The following FRAS1 variants were observed in gnomAD, a reference collection of about 807,000 sequenced individuals.
The protein encoded by FRAS1 is extracellular matrix organizing protein FRAS1.
FRAS1 carries 290 observed loss-of-function variants against 435.2 expected under a neutral mutation model. The ratio of observed to expected loss-of-function variants is 0.67; its 90% CI spans 0.61 to 0.73. The LOEUF (loss-of-function observed/expected upper bound fraction) is 0.73, where lower values mean the gene tolerates loss of function less well. Ranked by LOEUF, FRAS1 falls within the 30% of genes least tolerant of loss-of-function variation. The probability of loss-of-function intolerance (pLI) is 0.00; values close to 1 mark genes in which losing one functional copy is unlikely to be tolerated. For synonymous variants in FRAS1, 1,800 were observed against 1,851.0 expected (o/e 0.97, Z 0.71); for missense variants, 4,860 against 5,001.5 (o/e 0.97, Z 0.85).
At chr4:78,307,610 C>T (rs1406126220) in intron 14 of FRAS1, among the ~76,000 whole-genome samples, 1 of 152,158 alleles carries the variant, frequency 6.6e-6, no homozygotes, top group Admixed American at 6.5e-5. Context: ...TGGGAGTGAC[C>T]CGATTTTCCA....
intron 14 of FRAS1, among the ~76,000 whole-genome samples, chr4:78,289,157 A>G (rs1195173398): frequency 6.6e-6 from 1 of 152,244 alleles, no homozygotes; most frequent in Non-Finnish European, 1.5e-5. Context: ...TGGCTCTTCA[A>G]CAAAAGAGTA....
chr4:78,309,787 T>A (rs545634149), intron 15 of FRAS1, among the ~76,000 whole-genome samples: 1 of 152,336 alleles, frequency 6.6e-6, no homozygotes, highest in East Asian at 1.9e-4. Context: ...GCAGGCATCC[T>A]GACAGTAAAT....
At chr4:78,285,094 G>T (rs1727519520) in intron 13 of FRAS1, among the ~76,000 whole-genome samples, 1 of 152,156 alleles carries the variant, frequency 6.6e-6, no homozygotes. Context: ...TGCATTTCTG[G>T]ATGCTACATC....
intron 2 of FRAS1, among the ~76,000 whole-genome samples, chr4:78,134,067 T>A (rs1719817550): frequency 6.6e-6 from 1 of 151,336 alleles, no homozygotes; most frequent in African/African-American, 2.4e-5. Flanking sequence ...CATGCCATTC[T>A]CCTGCCTCAG....
In FRAS1 at chr4:78,255,311, G is replaced by A. The variant is rs369223866; in HGVS notation, c.539G>A (p.Cys180Tyr). Reference protein sequence around the residue: ...EDWRLSRCAKCLCRNGVAQCF... With the variant: ...EDWRLSRCAKYLCRNGVAQCF... ...TGGCGGCTGAGCCGGTGTGCCAAAT[G>A]TCTGTGTAGAAATGGGGTTGCCCAG... Residue 180 changes from cysteine (C) to tyrosine (Y), a missense_variant, in exon 6 of 74, where the codon TGT becomes TAT. Coordinates refer to ENST00000512123, the MANE Select transcript of FRAS1 (RefSeq NM_025074.7). 3.9e-5 allele frequency: 62 copies of A among 1,570,246 alleles called. No individual in the cohort carries two copies. The highest frequency in any genetic ancestry group is 1.5e-4 in the Admixed American group (8 of 53,262).
chr4:78,463,961 T>G lies in FRAS1; in HGVS notation c.6764-60T>G. 2.5e-6 allele frequency: 4 copies of G among 1,574,042 alleles called. No homozygotes were observed. In the South Asian group the frequency reaches 4.5e-5, roughly 18 times the overall value. ...GTGAGAGTATGACACTTCCCTAGCC[T>G]TAGATATATGGCTAGCATTTTAATA... On this transcript the variant is annotated intron_variant, in intron 47 of 73. Transcript: ENST00000512123.
chr4:78,299,538 T>C (rs1431624112), intron 14 of FRAS1, among the ~76,000 whole-genome samples: 2 of 152,222 alleles, frequency 1.3e-5, no homozygotes, highest in Non-Finnish European at 2.9e-5. Context: ...TGCGCTGCTA[T>C]TCAGCCAGTC....
intron 26 of FRAS1, chr4:78,379,525 C>T (rs753172951): frequency 9.6e-5 from 54 of 563,842 alleles, no homozygotes; most frequent in Non-Finnish European, 1.5e-4. Context: ...AGCGAGCTGA[C>T]GGTTGTGGTC....
intron 26 of FRAS1, chr4:78,379,491 T>G: frequency 2.1e-6 from 1 of 486,164 alleles, no homozygotes; most frequent in East Asian, 3.9e-5. Flanking sequence ...ATGTGTATTC[T>G]TCAGGAATAC....
intron 20 of FRAS1, among the ~76,000 whole-genome samples, chr4:78,347,695 C>G (rs1005812246): frequency 2.3e-4 from 35 of 151,868 alleles, no homozygotes; most frequent in African/African-American, 8.5e-4. Context: ...CTCTTATTCA[C>G]TTTGGATAAA....
chr4:78,363,504 C>A lies in FRAS1; in HGVS notation c.2423-9C>A. On this transcript the variant is annotated splice_polypyrimidine_tract_variant and intron_variant, in intron 20 of 73. Transcript: ENST00000512123. ...CCGTGCCTTCTCTGTGCTCCCCTTC[C>A]CCCTCCAGACTGCCATCACCTGTGC... 6.2e-7 allele frequency: 1 copy of A among 1,604,608 alleles called. No individual in the cohort carries two copies. The highest frequency in any genetic ancestry group is 1.1e-5 in the South Asian group (1 of 89,676).
intron 2 of FRAS1, among the ~76,000 whole-genome samples, chr4:78,086,595 T>C (rs1741184912): frequency 1.3e-5 from 2 of 151,968 alleles, no homozygotes; most frequent in Admixed American, 1.3e-4. Flanking sequence ...AAAGGGGATA[T>C]CACCACCAAT....
At chr4:78,062,835 T>C (rs1739818597) in intron 1 of FRAS1, among the ~76,000 whole-genome samples, 1 of 152,218 alleles carries the variant, frequency 6.6e-6, no homozygotes, top group Non-Finnish European at 1.5e-5. Context: ...ATAAAATTAC[T>C]TCACCCTGCA....
intron 20 of FRAS1, among the ~76,000 whole-genome samples, chr4:78,345,556 C>T (rs1242970152): frequency 1.3e-5 from 2 of 151,748 alleles, no homozygotes; most frequent in Non-Finnish European, 2.9e-5. Flanking sequence ...CTCGTGTCTT[C>T]TATTTTTTTA....
chr4:78,418,952 A>G lies in FRAS1; in HGVS notation c.4429A>G (p.Arg1477Gly), dbSNP rs1733656188. The stretch of plus-strand genomic sequence containing the variant: ...TTCCTTCTTAAACTTTGTTTAGGCT[A>G]GAGAAGATGGCCTGACTGTTATTCA... ...SLEASLHMTAREDGLTVIQPH... is the reference protein window; with the variant it reads ...SLEASLHMTAGEDGLTVIQPH... Residue 1477 changes from arginine to glycine, a missense_variant, in exon 33 of 74, where the codon AGA becomes GGA. Physicochemically the swap from Arg to Gly is moderately radical, Grantham distance 125 (BLOSUM62 -2). Coordinates refer to ENST00000512123, the MANE Select transcript of FRAS1 (RefSeq NM_025074.7). The G allele has an allele frequency of 6.3e-7, 1 of 1,584,654 alleles. No individual in the cohort carries two copies. Among genetic ancestry groups the G allele is most frequent in the Non-Finnish European group, 8.6e-7 (1 of 1,159,050 alleles).
Position 78,464,576 on chromosome 4 carries a change from ACACAGAGGTAAG to A in FRAS1, c.7023_7029+5del. 6.2e-7 allele frequency: 1 copy of A among 1,613,746 alleles called. No individual in the cohort carries two copies. Among genetic ancestry groups the A allele is most frequent in the Non-Finnish European group, 8.5e-7 (1 of 1,179,788 alleles). On this transcript the variant is annotated splice_donor_variant and splice_donor_5th_base_variant and coding_sequence_variant and intron_variant, in exon 49 of 74. Coordinates refer to ENST00000512123, the MANE Select transcript of FRAS1 (RefSeq NM_025074.7). LOFTEE classifies it high-confidence loss of function. ...TTTGAGCTTAAGGCGGTGGATGCTGACACAGAGGTAAGAGCACTTCTTCCCATGGGTTCTCTG... is the reference window on the plus strand; with the variant it reads ...TTTGAGCTTAAGGCGGTGGATGCTGAAGCACTTCTTCCCATGGGTTCTCTG...
At chr4:78,135,189 A>G (rs1294641963) in intron 2 of FRAS1, among the ~76,000 whole-genome samples, 2 of 152,186 alleles carry the variant, frequency 1.3e-5, no homozygotes, top group African/African-American at 4.8e-5. Flanking sequence ...GCCTTTCTGA[A>G]GTAGTATTTA....
At chr4:78,433,467 G>A (rs527278363) in intron 38 of FRAS1, among the ~76,000 whole-genome samples, 22 of 151,812 alleles carry the variant, frequency 1.4e-4, no homozygotes, top group South Asian at 2.1e-4. Flanking sequence ...TTTTAATGCC[G>A]TATACTTTTA....
intron 2 of FRAS1, among the ~76,000 whole-genome samples, chr4:78,196,776 A>G (rs1285567547): frequency 6.6e-6 from 1 of 152,218 alleles, no homozygotes; most frequent in East Asian, 1.9e-4. Context: ...ATTTGGAATA[A>G]TGTCCTCTTT....
Sources: allele counts gnomAD v4.1 joint callset (sites outside exome capture counted in the v4.1 genomes callset), GRCh38; gene constraint gnomAD v4.1.1; transcripts MANE v1.5; gene names NCBI Gene and HGNC (gene_info 2026-07-23, HGNC 2026-07-21).